NECAB2: variants seen among roughly 807,000 people sequenced by gnomAD.
The protein encoded by NECAB2 is N-terminal EF-hand calcium-binding protein 2.
A neutral mutation model predicts 51.9 loss-of-function variants in NECAB2; 68 were observed. The ratio of observed to expected loss-of-function variants is 1.31; its 90% CI spans 1.08 to 1.60. The LOEUF (loss-of-function observed/expected upper bound fraction) is 1.60. Among genes scored for constraint, NECAB2 ranks in the 40% most tolerant of loss-of-function variants. NECAB2 has a pLI of 0.00. For synonymous variants in NECAB2, 329 were observed against 203.5 expected (o/e 1.62, Z -5.25); for missense variants, 854 against 490.3 (o/e 1.74, Z -7.00).
intron 5 of NECAB2, among the ~76,000 whole-genome samples, chr16:83,986,888 G>T (rs1157469284): frequency 2.0e-5 from 3 of 152,076 alleles, no homozygotes; most frequent in African/African-American, 7.2e-5. Flanking sequence ...TTGCTCCAGG[G>T]AGGGTAGGAG....
At chr16:83,998,422 C>G in intron 10 of NECAB2, 105 bp downstream of exon 10, 2 of 1,032,016 alleles carry the variant, frequency 1.9e-6, no homozygotes, top group African/African-American at 1.6e-5. Flanking sequence ...ACAAGTTGCA[C>G]CCCAGGGACA....
In NECAB2 at chr16:84,001,029, C is replaced by G. The variant is rs190883079; in HGVS notation, c.1040+228C>G. ...ACTCAGCTGGGCTTTCCTGCTTTCC[C>G]CAGGGTTGCTTCTGTGCCCCTAGAG... On this transcript the variant is annotated intron_variant, in intron 11 of 12. Coordinates refer to ENST00000305202, the MANE Select transcript of NECAB2 (RefSeq NM_019065.3). Among the ~76,000 whole-genome samples the G allele has an allele frequency of 1.4e-3, 219 of 152,186 alleles. 1 individual carries two copies. The highest frequency in any genetic ancestry group is 4.9e-3 in the African/African-American group (205 of 41,490).
chr16:84,001,723 T>G, intron 11 of NECAB2, 102 bp from the exon 12 acceptor site: 1 of 1,289,782 alleles, frequency 7.8e-7, no homozygotes, highest in East Asian at 2.5e-5. Flanking sequence ...CCGTGCTTAT[T>G]GATAAGCTCC....
chr16:83,997,001 G>C (rs1268389649), intron 8 of NECAB2, among the ~76,000 whole-genome samples: 1 of 152,012 alleles, frequency 6.6e-6, no homozygotes, highest in Non-Finnish European at 1.5e-5. Flanking sequence ...CCCCCTTGCT[G>C]CCTCTCCCAA....
At chr16:83,997,092 A>G (rs1050189906) in intron 8 of NECAB2, 124 bp from the exon 9 acceptor site, 1 of 1,067,066 alleles carries the variant, frequency 9.4e-7, no homozygotes, top group Non-Finnish European at 1.4e-6. Context: ...TTGGTCTCCC[A>G]GCCCTGTGCA....
intron 5 of NECAB2, among the ~76,000 whole-genome samples, chr16:83,986,308 C>A (rs961421367): frequency 2.0e-5 from 3 of 152,122 alleles, no homozygotes; most frequent in East Asian, 1.9e-4. Flanking sequence ...TGAGCCACTG[C>A]GCCCAGCCCA....
rs569171415 is a variant in NECAB2, at chr16:83,998,299, G to A, written c.944G>A (p.Gly315Asp). 3.3e-4 allele frequency: 527 copies of A among 1,613,526 alleles called. 2 individuals are homozygous for A. The South Asian group carries it at 5.3e-3, about 16-fold the overall frequency. The stretch of plus-strand genomic sequence containing the variant: ...CGCCAGTATCTGCGGGGGACCACTG[G>A]CGTGAGGAACTGCTTCCAGTGAGTG... ...SLRQYLRGTTGVRNCFHITAV... is the reference protein window; with the variant it reads ...SLRQYLRGTTDVRNCFHITAV... Residue 315 changes from glycine to aspartate, a missense_variant, in exon 10 of 13, where the codon GGC (glycine) becomes GAC (aspartate). By Grantham distance (94) the Gly-to-Asp change is moderately conservative. Transcript: ENST00000305202.
In NECAB2 at chr16:83,968,544, G is replaced by A. The variant is rs929972474; in HGVS notation, c.-105G>A. 4 of 903,690 alleles carry A rather than the reference G, an allele frequency of 4.4e-6. No homozygotes were observed. The highest frequency in any genetic ancestry group is 5.3e-6 in the Non-Finnish European group (4 of 758,492). The allele number at this position is 903,690 out of a possible 1,614,324, so 56.0% of individuals were successfully genotyped here. On this transcript the variant is annotated 5_prime_UTR_variant, in exon 1 of 13. Coordinates refer to ENST00000305202, the MANE Select transcript of NECAB2 (RefSeq NM_019065.3). ...CCGCGGCCGCGGGGGCAGCGGGAGA[G>A]AGGGCGGGGCGGCGCGGGCAGCGCG...
chr16:83,966,892 T>G (rs538752484), upstream of NECAB2, among the ~76,000 whole-genome samples: 3 of 152,180 alleles, frequency 2.0e-5, no homozygotes, highest in African/African-American at 7.2e-5. Context: ...TTTTCTTTTT[T>G]TTGAGACAGA....
chr16:83,983,677 C>T (rs2084516405), intron 5 of NECAB2, among the ~76,000 whole-genome samples: 1 of 152,084 alleles, frequency 6.6e-6, no homozygotes, highest in African/African-American at 2.4e-5. Context: ...GTGATAAACC[C>T]TAATTGGTAT....
intron 2 of NECAB2, among the ~76,000 whole-genome samples, chr16:83,974,189 C>G (rs1211497861): frequency 1.3e-5 from 2 of 152,134 alleles, no homozygotes; most frequent in Non-Finnish European, 2.9e-5. Context: ...GTGTGAGATG[C>G]GGGTTCCAGC....
In NECAB2 at chr16:84,000,536, A is replaced by G. The variant is rs115382156; in HGVS notation, c.963-188A>G. Among the ~76,000 whole-genome samples, 192 of 152,298 alleles carry G rather than the reference A, an allele frequency of 1.3e-3. 1 individual carries two copies. The highest frequency in any genetic ancestry group is 4.4e-3 in the African/African-American group (184 of 41,560). ...ATTTAATAAATAGCTGTTGGCCACTATAAGAAGCCAGGCCTTATTCCCTGT... is the reference window on the plus strand; with the variant it reads ...ATTTAATAAATAGCTGTTGGCCACTGTAAGAAGCCAGGCCTTATTCCCTGT... On this transcript the variant is annotated intron_variant, in intron 10 of 12. Coordinates refer to ENST00000305202, the MANE Select transcript of NECAB2 (RefSeq NM_019065.3).
chr16:83,966,533 T>C (rs185226), upstream of NECAB2, among the ~76,000 whole-genome samples: 44,807 of 151,640 alleles, frequency 0.3, 11,556 homozygotes, highest in African/African-American at 0.71. Flanking sequence ...TGTACTAGAG[T>C]CTGGGGGTGG....
At chr16:83,984,493 C>CG (rs2084527674) in intron 5 of NECAB2, among the ~76,000 whole-genome samples, 1 of 151,666 alleles carries the variant, frequency 6.6e-6, no homozygotes. Flanking sequence ...GAGGCCGAGG[C>CG]GGGAGGATCG....
chr16:83,981,825 C>A (rs1366042897), intron 5 of NECAB2, among the ~76,000 whole-genome samples: 2 of 152,172 alleles, frequency 1.3e-5, no homozygotes, highest in East Asian at 3.9e-4. Flanking sequence ...GGTGAGGGAA[C>A]TGGGAGCATG....
intron 6 of NECAB2, among the ~76,000 whole-genome samples, chr16:83,993,937 A>C (rs2084659107): frequency 6.6e-6 from 1 of 151,576 alleles, no homozygotes; most frequent in African/African-American, 2.4e-5. Context: ...AGGGAGGGGG[A>C]CTTGGTCACT....
rs1223054814 is a variant in NECAB2, at chr16:84,002,464, A to AGAAGGTGTTTCCCTGTTGTTAAGTGAAGG, written c.*119_*147dup. Reference sequence around the variant, plus strand: ...GCTTCTTTTCAATCCATCCTCCACAAGAAGGTGTTTCCCTGTTGTTAAGTG... The same window carrying AGAAGGTGTTTCCCTGTTGTTAAGTGAAGG: ...GCTTCTTTTCAATCCATCCTCCACAAGAAGGTGTTTCCCTGTTGTTAAGTGAAGGGAAGGTGTTTCCCTGTTGTTAAGTG... On this transcript the variant is annotated 3_prime_UTR_variant, in exon 13 of 13. Transcript: ENST00000305202. 7.5e-7 allele frequency: 1 copy of AGAAGGTGTTTCCCTGTTGTTAAGTGAAGG among 1,334,044 alleles called. No individual in the cohort carries two copies. The highest frequency in any genetic ancestry group is 1.5e-5 in the African/African-American group (1 of 68,770). 82.6% of individuals were successfully genotyped at this position (1,334,044 alleles called of 1,614,324 possible). A position where few individuals can be genotyped will look rare whatever the true frequency, so the allele number is the denominator to read the frequency against.
At chr16:83,992,266 G>A (rs149556851) in intron 6 of NECAB2, among the ~76,000 whole-genome samples, 46 of 152,086 alleles carry the variant, frequency 3.0e-4, no homozygotes, top group African/African-American at 1.1e-3. Flanking sequence ...AATGCATCTG[G>A]GGTCCCATCC....
At chr16:83,982,392 C>T (rs766905201) in intron 5 of NECAB2, among the ~76,000 whole-genome samples, 2 of 152,174 alleles carry the variant, frequency 1.3e-5, no homozygotes, top group Non-Finnish European at 2.9e-5. Context: ...AAGTATTAAT[C>T]TTTGTAGAAT....
Sources: allele counts gnomAD v4.1 joint callset (sites outside exome capture counted in the v4.1 genomes callset), GRCh38; gene constraint gnomAD v4.1.1; transcripts MANE v1.5; gene names NCBI Gene and HGNC (gene_info 2026-07-23, HGNC 2026-07-21).